HIPK2: variants seen among roughly 807,000 people sequenced by gnomAD.
HIPK2 encodes the protein homeodomain interacting protein kinase 2.
In HIPK2, 27 loss-of-function variants were observed where a neutral mutation model predicts 113.7. That is an observed-to-expected ratio of 0.24 (90% CI 0.17 to 0.33). The LOEUF is 0.33. Among genes scored for constraint, HIPK2 ranks in the 10% least tolerant of loss-of-function variants. The pLI is 1.00. For synonymous variants in HIPK2, 631 were observed against 642.2 expected, an observed-to-expected ratio of 0.98 and a Z score of 0.26; for missense variants, 1,257 against 1,588.0, an observed-to-expected ratio of 0.79 and a Z score of 3.54.
chr7:139,655,417 GGCT>G (rs1801630207), intron 2 of HIPK2, among the ~76,000 whole-genome samples: 1 of 152,220 alleles, frequency 6.6e-6, no homozygotes, highest in Non-Finnish European at 1.5e-5. Flanking sequence ...CGGGCAAGGA[GGCT>G]GCTGCCTGCA....
chr7:139,734,057 T>A (rs552001844), intron 1 of HIPK2, among the ~76,000 whole-genome samples: 33 of 152,344 alleles, frequency 2.2e-4, no homozygotes, highest in South Asian at 1.0e-3. Context: ...AATGCTGCCA[T>A]CCCTAATGAG....
intron 2 of HIPK2, among the ~76,000 whole-genome samples, chr7:139,637,263 G>A (rs367700599): frequency 2.6e-5 from 4 of 152,156 alleles, no homozygotes; most frequent in South Asian, 2.1e-4. Context: ...CCCCCTTGCC[G>A]TAAGCCTTCA....
At position 139,777,630 on chromosome 7, in the gene HIPK2, C is replaced by T; in HGVS notation, c.-7G>A. 9.3e-7 allele frequency: 1 copy of T among 1,073,432 alleles called. No homozygotes were observed. The highest frequency in any genetic ancestry group is 1.1e-6 in the Non-Finnish European group (1 of 886,102). 66.5% of individuals were successfully genotyped at this position (1,073,432 alleles called of 1,614,324 possible). A position where few individuals can be genotyped will look rare whatever the true frequency, so the allele number is the denominator to read the frequency against. On this transcript the variant is annotated 5_prime_UTR_variant, in exon 1 of 15. Transcript: ENST00000406875. ...CTTCGTACACGGGGGCCATCGGGGC[C>T]GGGGTGTCCGCGGTTCATGGCAACG... is the stretch of plus-strand genomic sequence containing the variant.
intron 6 of HIPK2, among the ~76,000 whole-genome samples, chr7:139,621,386 T>A (rs1433187553): frequency 6.6e-6 from 1 of 152,220 alleles, no homozygotes; most frequent in Non-Finnish European, 1.5e-5. Context: ...TCCAGCTACA[T>A]GAAATAGAAA....
At chr7:139,599,790 C>CA (rs1189847224) in intron 11 of HIPK2, among the ~76,000 whole-genome samples, 13 of 152,280 alleles carry the variant, frequency 8.5e-5, no homozygotes, top group Admixed American at 7.2e-4. Context: ...GTTCTCCAGA[C>CA]AAGTAGAAAG....
rs1487326687 is a variant in HIPK2 at position 139,615,924 on chromosome 7, G to T, written c.1783-1431C>A. On this transcript the variant is annotated intron_variant, in intron 7 of 14. Transcript: ENST00000406875. The stretch of plus-strand genomic sequence containing the variant: ...GCGTCGCATAGTCTGCTTGGGACAC[G>T]TGTGTACATATGTGGGCATCAGTGT... Among the ~76,000 whole-genome samples the T allele has an allele frequency of 2.0e-5, 3 of 150,498 alleles. No homozygotes were observed. In the East Asian group the frequency reaches 5.8e-4, roughly 29 times the overall value.
At chr7:139,679,382 A>C (rs77383953) in intron 2 of HIPK2, among the ~76,000 whole-genome samples, 7,327 of 152,246 alleles carry the variant, frequency 0.048, 233 homozygotes, top group East Asian at 0.1. Context: ...TTTGAAGGGG[A>C]CCCATTAAAA....
At chr7:139,767,772 GA>G (rs1796576663) in intron 1 of HIPK2, among the ~76,000 whole-genome samples, 1 of 152,250 alleles carries the variant, frequency 6.6e-6, no homozygotes, top group Admixed American at 6.5e-5. Context: ...ATATAAACAG[GA>G]AACATTTCAA....
chr7:139,620,359 C>A (rs1800192487), intron 7 of HIPK2, 42 bp downstream of exon 7: 8 of 1,609,734 alleles, frequency 5.0e-6, no homozygotes, highest in Non-Finnish European at 5.9e-6. Context: ...GAGGCTCACA[C>A]TGTGCAGCCC....
chr7:139,638,476 C>T (rs1018029255), intron 2 of HIPK2, among the ~76,000 whole-genome samples: 2 of 152,092 alleles, frequency 1.3e-5, no homozygotes, highest in African/African-American at 2.4e-5. Flanking sequence ...ACCCACTGGC[C>T]CCACAGAACC....
At chr7:139,659,126 G>A (rs567964723) in intron 2 of HIPK2, among the ~76,000 whole-genome samples, 3 of 152,156 alleles carry the variant, frequency 2.0e-5, no homozygotes, top group South Asian at 2.1e-4. Context: ...CAAGGGGGCC[G>A]GGAGGGATTT....
chr7:139,706,300 C>T (rs966761578), intron 2 of HIPK2, among the ~76,000 whole-genome samples: 16 of 152,298 alleles, frequency 1.1e-4, no homozygotes, highest in African/African-American at 3.1e-4. Context: ...GAGGCGGAAG[C>T]GGGCGGCCCC....
Position 139,614,358 on chromosome 7 carries a change from C to G in HIPK2, c.1918G>C (p.Gly640Arg), listed in dbSNP as rs1799949473. The change falls in exon 8 of 15, where the codon GGA becomes CGA. Residue 640 changes from glycine to arginine, a missense_variant. Transcript: ENST00000406875. ...GGCCGGGCACAAATCTGGGCTGTTC[C>G]TGTCTGCAGGGGCATGCTCCGCTGG... is the stretch of plus-strand genomic sequence containing the variant. ...VAQRSMPLQT[G>R]TAQICARPDP... 1 of 1,584,900 alleles carries G rather than the reference C, an allele frequency of 6.3e-7. No homozygotes were observed. Among genetic ancestry groups the G allele is most frequent in the Admixed American group, 1.7e-5 (1 of 57,896 alleles).
chr7:139,696,806 C>T (rs1404881270), intron 2 of HIPK2, among the ~76,000 whole-genome samples: 2 of 152,126 alleles, frequency 1.3e-5, no homozygotes, highest in African/African-American at 2.4e-5. Flanking sequence ...TCAGAGGTGA[C>T]ACGTTTCAGA....
At chr7:139,718,768 C>T (rs369919784) in intron 1 of HIPK2, among the ~76,000 whole-genome samples, 1 of 152,138 alleles carries the variant, frequency 6.6e-6, no homozygotes, top group Admixed American at 6.6e-5. Context: ...CCTTCATGTG[C>T]GTGCACACAC....
intron 1 of HIPK2, among the ~76,000 whole-genome samples, chr7:139,764,261 G>A (rs1311371246): frequency 1.3e-5 from 2 of 152,202 alleles, no homozygotes; most frequent in Non-Finnish European, 2.9e-5. Context: ...GTATTGATCA[G>A]TCAATGGAAA....
At position 139,565,407 on chromosome 7, in the gene HIPK2, C is replaced by G. The variant is rs945808577; in HGVS notation, c.*7520G>C. 1 of 152,106 alleles carries G rather than the reference C, an allele frequency of 6.6e-6. No individual in the cohort carries two copies. The highest frequency in any genetic ancestry group is 1.5e-5 in the Non-Finnish European group (1 of 67,988). 9.4% of individuals were successfully genotyped at this position (152,106 alleles called of 1,614,324 possible). ...AGAAGGTTTTAAATGAAAAAAGGAA[C>G]AAGAAACCCACTCAAAACAACTGAA... On this transcript the variant is annotated 3_prime_UTR_variant, in exon 15 of 15. Transcript: ENST00000406875.
intron 1 of HIPK2, among the ~76,000 whole-genome samples, chr7:139,754,708 A>C (rs543664291): frequency 6.6e-6 from 1 of 152,338 alleles, no homozygotes; most frequent in South Asian, 2.1e-4. Flanking sequence ...TCTCTTCTTT[A>C]CATAGATCAC....
intron 2 of HIPK2, among the ~76,000 whole-genome samples, chr7:139,648,011 T>C (rs1801304996): frequency 6.6e-6 from 1 of 152,124 alleles, no homozygotes; most frequent in Admixed American, 6.5e-5. Context: ...GAACCTATAT[T>C]TGCTTCCCAG....
Sources: allele counts gnomAD v4.1 joint callset (sites outside exome capture counted in the v4.1 genomes callset), GRCh38; gene constraint gnomAD v4.1.1; transcripts MANE v1.5; gene names NCBI Gene and HGNC (gene_info 2026-07-23, HGNC 2026-07-21).